Variants in BTBD9 observed in about 807,000 individuals in gnomAD.
BTBD9 encodes BTB/POZ domain-containing protein 9.
In BTBD9, 49 loss-of-function variants were observed where a neutral mutation model predicts 64.3. The observed-to-expected ratio is 0.76, with a 90% CI of 0.61 to 0.97. The LOEUF (loss-of-function observed/expected upper bound fraction) is 0.97, where lower values mean the gene tolerates loss of function less well. Among genes scored for constraint, BTBD9 ranks in the 50% least tolerant of loss-of-function variants. BTBD9 has a pLI of 0.00. For synonymous variants in BTBD9, 260 were observed against 274.7 expected (o/e 0.95, Z 0.53); for missense variants, 598 against 762.1 (o/e 0.78, Z 2.53).
intron 1 of BTBD9, among the ~76,000 whole-genome samples, chr6:38,616,702 C>T (rs954684318): frequency 2.0e-5 from 3 of 152,120 alleles, no homozygotes; most frequent in Non-Finnish European, 2.9e-5. Flanking sequence ...TTTGATAGGA[C>T]AGAAACGAAA....
intron 7 of BTBD9, among the ~76,000 whole-genome samples, chr6:38,321,498 C>T (rs1032796077): frequency 1.3e-5 from 2 of 152,148 alleles, no homozygotes; most frequent in African/African-American, 2.4e-5. Context: ...CCCATCCATT[C>T]GGTGAAGGGA....
intron 6 of BTBD9, among the ~76,000 whole-genome samples, chr6:38,383,853 C>A (rs968862045): frequency 2.0e-5 from 3 of 152,174 alleles, no homozygotes; most frequent in African/African-American, 7.2e-5. Context: ...GACATCTTAA[C>A]CCCTTGAAGC....
intron 6 of BTBD9, among the ~76,000 whole-genome samples, chr6:38,550,288 T>A (rs939074235): frequency 3.9e-5 from 6 of 151,966 alleles, no homozygotes; most frequent in African/African-American, 1.4e-4. Context: ...AAACTCTTGA[T>A]ATCATCCTTG....
intron 6 of BTBD9, among the ~76,000 whole-genome samples, chr6:38,550,219 A>G (rs947418889): frequency 2.6e-5 from 4 of 151,996 alleles, no homozygotes; most frequent in Admixed American, 2.0e-4. Flanking sequence ...TATTCTTCAC[A>G]TTCTTCACTG....
chr6:38,181,642 C>A (rs1761559108), intron 10 of BTBD9, among the ~76,000 whole-genome samples: 2 of 152,188 alleles, frequency 1.3e-5, no homozygotes, highest in Admixed American at 1.3e-4. Flanking sequence ...CAAAATATCC[C>A]TTTTGATAAA....
intron 8 of BTBD9, among the ~76,000 whole-genome samples, chr6:38,276,954 C>T (rs963797300): frequency 8.5e-5 from 13 of 152,142 alleles, no homozygotes; most frequent in Non-Finnish European, 1.8e-4. Context: ...GAAGAGCCAA[C>T]TCTGTTTTGG....
Position 38,396,482 on chromosome 6 carries a change from G to A in BTBD9, c.1155-51389C>T, listed in dbSNP as rs528960598. 1.2e-4 allele frequency among the ~76,000 whole-genome samples: 18 copies of A among 152,186 alleles called. No homozygotes were observed. In the South Asian group the frequency reaches 2.9e-3, roughly 25 times the overall value. On this transcript the variant is annotated intron_variant, in intron 6 of 10. Coordinates refer to ENST00000481247, the MANE Select transcript of BTBD9 (RefSeq NM_001099272.2). ...TCAATGGGAAACAAAAAATTAGGGC[G>A]AAGCCGTGTCTGAACAACCTGCTGT...
intron 6 of BTBD9, among the ~76,000 whole-genome samples, chr6:38,506,691 AG>A (rs1342005146): frequency 6.6e-6 from 1 of 152,184 alleles, no homozygotes; most frequent in Non-Finnish European, 1.5e-5. Flanking sequence ...TAATCCAATC[AG>A]TCATTAACTG....
At chr6:38,630,994 G>A (rs1035075427) in intron 1 of BTBD9, among the ~76,000 whole-genome samples, 25 of 152,286 alleles carry the variant, frequency 1.6e-4, no homozygotes, top group Middle Eastern at 3.4e-3. Context: ...TAAAAGTTTG[G>A]AAAGTGAATT....
chr6:38,257,021 C>G (rs1381305396), intron 8 of BTBD9, among the ~76,000 whole-genome samples: 2 of 150,214 alleles, frequency 1.3e-5, no homozygotes, highest in Admixed American at 6.6e-5. Context: ...GTGATCCTCC[C>G]ACCTCAGCCT....
chr6:38,332,763 G>A (rs949985368), intron 7 of BTBD9, among the ~76,000 whole-genome samples: 5 of 151,928 alleles, frequency 3.3e-5, no homozygotes, highest in African/African-American at 1.2e-4. Flanking sequence ...ATTAAAATGG[G>A]AAGAACCAAC....
intron 6 of BTBD9, among the ~76,000 whole-genome samples, chr6:38,366,115 AAAG>A: frequency 6.6e-6 from 1 of 152,346 alleles, no homozygotes; most frequent in East Asian, 1.9e-4. Flanking sequence ...CTCAGAATTA[AAAG>A]AAGAGTATGA....
chr6:38,549,605 G>A (rs1774705227), intron 6 of BTBD9, among the ~76,000 whole-genome samples: 1 of 152,110 alleles, frequency 6.6e-6, no homozygotes, highest in Admixed American at 6.5e-5. Flanking sequence ...AAATCTTAGT[G>A]GTAATAACAA....
intron 9 of BTBD9, among the ~76,000 whole-genome samples, chr6:38,204,043 TAAAATTA>T (rs1762554523): frequency 6.6e-6 from 1 of 151,870 alleles, no homozygotes; most frequent in African/African-American, 2.4e-5. Context: ...TATGTATCAA[TAAAATTA>T]AAAATTAAAA....
chr6:38,592,678 C>T lies in BTBD9; in HGVS notation c.712G>A (p.Val238Ile), dbSNP rs1467600835. 2.5e-6 allele frequency: 4 copies of T among 1,614,048 alleles called. No individual in the cohort carries two copies. The South Asian group carries it at 3.3e-5, about 13-fold the overall frequency. The change falls in exon 4 of 11, where the codon GTT (valine) becomes ATT (isoleucine). Residue 238 changes from valine (V) to isoleucine (I), a missense_variant. Val to Ile is a conservative substitution (Grantham distance 29, BLOSUM62 3). Coordinates refer to ENST00000481247, the MANE Select transcript of BTBD9 (RefSeq NM_001099272.2). ...GACAGCAGTCCTGAAGGCCTCACAA[C>T]ATTCAGAAGCTCTGTGAGGCTCATG... ...PLMSLTELLN[V>I]VRPSGLLSPD... is the part of the protein sequence containing the mutation.
intron 6 of BTBD9, among the ~76,000 whole-genome samples, chr6:38,417,364 T>A (rs1767713386): frequency 6.6e-6 from 1 of 152,242 alleles, no homozygotes; most frequent in Admixed American, 6.5e-5. Flanking sequence ...ATATTGCACT[T>A]ATCTAATTCA....
intron 8 of BTBD9, among the ~76,000 whole-genome samples, chr6:38,266,776 AT>A (rs1453738678): frequency 1.3e-5 from 2 of 152,242 alleles, no homozygotes; most frequent in Non-Finnish European, 2.9e-5. Flanking sequence ...GCATTCTTAT[AT>A]TTTGGAAAGT....
intron 6 of BTBD9, among the ~76,000 whole-genome samples, chr6:38,369,770 T>A (rs1250292768): frequency 6.6e-6 from 1 of 152,226 alleles, no homozygotes; most frequent in Non-Finnish European, 1.5e-5. Flanking sequence ...TTCAGGTACC[T>A]GACTAAGCTG....
intron 1 of BTBD9, among the ~76,000 whole-genome samples, chr6:38,635,839 T>A (rs1778511504): frequency 1.3e-5 from 2 of 152,178 alleles, no homozygotes; most frequent in African/African-American, 4.8e-5. Flanking sequence ...GTTTGTTTTG[T>A]GCTGCCATTA....
Sources: allele counts gnomAD v4.1 joint callset (sites outside exome capture counted in the v4.1 genomes callset), GRCh38; gene constraint gnomAD v4.1.1; transcripts MANE v1.5; gene names NCBI Gene and HGNC (gene_info 2026-07-23, HGNC 2026-07-21).